The following ATG12 variants were observed in gnomAD, a reference collection of about 807,000 sequenced individuals.
ATG12 encodes the protein ubiquitin-like protein ATG12.
Under a neutral mutation model 17.6 loss-of-function variants are expected in ATG12, and 19 were observed. That is an observed-to-expected ratio of 1.08 (90% CI 0.75 to 1.58). The LOEUF (loss-of-function observed/expected upper bound fraction) is 1.58, where lower values mean the gene tolerates loss of function less well. ATG12 is among the 40% of genes most tolerant of loss of function. ATG12 has a pLI of 0.00. For synonymous variants in ATG12, 75 were observed against 62.4 expected (o/e 1.20, Z -0.95); for missense variants, 214 against 162.0 (o/e 1.32, Z -1.74).
rs780023621 is a variant in ATG12, at chr5:115,841,514, A to G, written c.39T>C (p.Thr13=). The G allele has an allele frequency of 1.2e-6, 2 of 1,612,592 alleles. No homozygotes were observed. The highest frequency in any genetic ancestry group is 1.1e-5 in the South Asian group (1 of 91,034). ...EEPQSVLQLP[T]SIAAGGEGLT... is the part of the protein sequence containing the mutation. ...GTCCTTCCCCTCCAGCAGCAATTGA[A>G]GTAGGAAGCTGCAACACAGACTGCG... is the stretch of plus-strand genomic sequence containing the variant. Residue 13 remains threonine, a synonymous_variant, in exon 1 of 4, where the codon ACT becomes ACC. Coordinates refer to ENST00000509910, the MANE Select transcript of ATG12 (RefSeq NM_004707.4).
intron 1 of ATG12, 107 bp from the exon 2 acceptor site, chr5:115,837,871 G>GT: frequency 1.1e-6 from 1 of 914,564 alleles, no homozygotes; most frequent in Non-Finnish European, 1.5e-6. Flanking sequence ...TCCATCTTAC[G>GT]TATTTATGAT....
At position 115,831,747 on chromosome 5, in the gene ATG12, G is replaced by C. The variant is rs1760878563; in HGVS notation, c.*57C>G. On this transcript the variant is annotated 3_prime_UTR_variant, in exon 4 of 4. Coordinates refer to ENST00000509910, the MANE Select transcript of ATG12 (RefSeq NM_004707.4). ...GCCACAAGCATCAAAACTTTTCAGA[G>C]CTGTCTCTTCCGTGAAAATCCATTT... 3 of 1,541,606 alleles carry C rather than the reference G, an allele frequency of 1.9e-6. No homozygotes were observed. The highest frequency in any genetic ancestry group is 1.1e-5 in the South Asian group (1 of 87,194).
At chr5:115,832,472 C>T in intron 3 of ATG12, 130 bp downstream of exon 3, 4 of 1,080,218 alleles carry the variant, frequency 3.7e-6, no homozygotes, top group Non-Finnish European at 4.9e-6. Context: ...GAATGGCATG[C>T]CATCTCTTGA....
intron 1 of ATG12, chr5:115,840,596 C>T: frequency 7.8e-7 from 1 of 1,278,892 alleles, no homozygotes; most frequent in South Asian, 1.3e-5. Flanking sequence ...CCGCGCCCGG[C>T]CAGAGACCAC....
chr5:115,835,922 T>A (rs963189579), intron 2 of ATG12, among the ~76,000 whole-genome samples: 1 of 151,806 alleles, frequency 6.6e-6, no homozygotes, highest in African/African-American at 2.4e-5. Flanking sequence ...TAATCAGGGG[T>A]TTTTGGTTTT....
chr5:115,833,802 G>GAT (rs1760984823), intron 2 of ATG12: 1 of 152,124 alleles, frequency 6.6e-6, no homozygotes, highest in East Asian at 1.9e-4. Flanking sequence ...TTGTAATACA[G>GAT]ATATAATTTG....
Position 115,830,050 on chromosome 5 carries a change from G to C in ATG12, c.*1754C>G, listed in dbSNP as rs1326288049. On this transcript the variant is annotated 3_prime_UTR_variant, in exon 4 of 4. Transcript: ENST00000509910. ...GAGAATCACTTGAACCCGGGAGGTAGAGGTTGCAATGAGCCAAGATTGTGC... is the reference window on the plus strand; with the variant it reads ...GAGAATCACTTGAACCCGGGAGGTACAGGTTGCAATGAGCCAAGATTGTGC... 8 of 148,294 alleles carry C rather than the reference G, an allele frequency of 5.4e-5. No homozygotes were observed. The highest frequency in any genetic ancestry group is 2.0e-4 in the African/African-American group (8 of 40,134). 9.2% of individuals were successfully genotyped at this position (148,294 alleles called of 1,614,324 possible).
chr5:115,837,848 T>C, intron 1 of ATG12, 84 bp from the exon 2 acceptor site: 1 of 1,133,782 alleles, frequency 8.8e-7, no homozygotes, highest in Non-Finnish European at 1.2e-6. Context: ...AAATCAGAAA[T>C]ATTTAATCTA....
intron 1 of ATG12, among the ~76,000 whole-genome samples, chr5:115,839,766 A>G (rs542295285): frequency 1.9e-4 from 29 of 152,240 alleles, no homozygotes; most frequent in Non-Finnish European, 3.7e-4. Flanking sequence ...TGAGGATACA[A>G]AACAGTTAAG....
In ATG12 at chr5:115,831,460, A is replaced by G. The variant is rs1195872091; in HGVS notation, c.*344T>C. On this transcript the variant is annotated 3_prime_UTR_variant, in exon 4 of 4. Transcript: ENST00000509910. ...ACCCTTTAGTATATTAACTTTTACC[A>G]TGAAAACAATTTCAGTCATTTTGAG... is the stretch of plus-strand genomic sequence containing the variant. 1 of 310,562 alleles carries G rather than the reference A, an allele frequency of 3.2e-6. No homozygotes were observed. Among genetic ancestry groups the G allele is most frequent in the Non-Finnish European group, 5.9e-6 (1 of 168,736 alleles). The allele number at this position is 310,562 out of a possible 1,614,324, so 19.2% of individuals were successfully genotyped here. A position where few individuals can be genotyped will look rare whatever the true frequency, so the allele number is the denominator to read the frequency against.
intron 1 of ATG12, chr5:115,840,715 A>C: frequency 8.4e-7 from 1 of 1,191,962 alleles, no homozygotes; most frequent in Non-Finnish European, 1.1e-6. Flanking sequence ...CTCTAAACAG[A>C]GTGCTTTAGA....
chr5:115,837,894 T>C (rs984335606), intron 1 of ATG12, 130 bp from the exon 2 acceptor site: 54 of 736,952 alleles, frequency 7.3e-5, no homozygotes, highest in Admixed American at 2.4e-4. Flanking sequence ...TGAAGATATG[T>C]GAGAGATGTA....
In ATG12 at chr5:115,829,433, G is replaced by A. The variant is rs763675838; in HGVS notation, c.*2371C>T. ...AATTATCCAATCTCATTTTGATTTC[G>A]GATAAACATTAATTTGCCTTATTCC... On this transcript the variant is annotated 3_prime_UTR_variant, in exon 4 of 4. Coordinates refer to ENST00000509910, the MANE Select transcript of ATG12 (RefSeq NM_004707.4). 2.0e-5 allele frequency: 3 copies of A among 152,034 alleles called. No homozygotes were observed. Among genetic ancestry groups the A allele is most frequent in the Non-Finnish European group, 4.4e-5 (3 of 68,012 alleles). The allele number at this position is 152,034 out of a possible 1,614,324, so 9.4% of individuals were successfully genotyped here.
rs752453375 is a variant in ATG12 at position 115,828,670 on chromosome 5, C to A, written c.*3134G>T. On this transcript the variant is annotated 3_prime_UTR_variant, in exon 4 of 4. Coordinates refer to ENST00000509910, the MANE Select transcript of ATG12 (RefSeq NM_004707.4). ...CTGCTGTACAAAAACTTAAACTATA[C>A]AAAATTTCCTTTGTTTTTAGCTGTC... is the stretch of plus-strand genomic sequence containing the variant. 1 of 152,100 alleles carries A rather than the reference C, an allele frequency of 6.6e-6. No homozygotes were observed. Among genetic ancestry groups the A allele is most frequent in the East Asian group, 1.9e-4 (1 of 5,200 alleles). The allele number at this position is 152,100 out of a possible 1,614,324, so 9.4% of individuals were successfully genotyped here. A position where few individuals can be genotyped will look rare whatever the true frequency, so the allele number is the denominator to read the frequency against.
Position 115,828,711 on chromosome 5 carries a change from C to G in ATG12, c.*3093G>C, listed in dbSNP as rs980165211. On this transcript the variant is annotated 3_prime_UTR_variant, in exon 4 of 4. Transcript: ENST00000509910. ...TTTAGCTGTCATACTTTGCTAATCA[C>G]AATTTCATTCACTCGATGTGTTACA... 1 of 152,176 alleles carries G rather than the reference C, an allele frequency of 6.6e-6. No homozygotes were observed. Among genetic ancestry groups the G allele is most frequent in the Non-Finnish European group, 1.5e-5 (1 of 68,010 alleles). The allele number at this position is 152,176 out of a possible 1,614,324, so 9.4% of individuals were successfully genotyped here.
chr5:115,841,013 T>C (rs1761410599), intron 1 of ATG12: 2 of 609,884 alleles, frequency 3.3e-6, no homozygotes, highest in South Asian at 1.6e-5. Flanking sequence ...TGACCACCCC[T>C]ACCACCATAA....
At chr5:115,836,800 CTT>C in intron 2 of ATG12, among the ~76,000 whole-genome samples, 1 of 152,276 alleles carries the variant, frequency 6.6e-6, no homozygotes, top group South Asian at 2.1e-4. Context: ...ATAAAAAACA[CTT>C]AATGTGCCAA....
rs4921031 is a variant in ATG12 at position 115,832,571 on chromosome 5, C to G, written c.363+31G>C. ...AAGAAAAAAAAGCAGTAATTTCTTT[C>G]TTTTTTTTTTTTTTTTTTTTTTTTT... On this transcript the variant is annotated intron_variant, in intron 3 of 3. Coordinates refer to ENST00000509910, the MANE Select transcript of ATG12 (RefSeq NM_004707.4). 24 of 800,608 alleles carry G rather than the reference C, an allele frequency of 3.0e-5. 1 individual carries two copies. Among genetic ancestry groups the G allele is most frequent in the Middle Eastern group, 5.4e-4 (1 of 1,850 alleles). The allele number at this position is 800,608 out of a possible 1,614,324, so 49.6% of individuals were successfully genotyped here.
Position 115,832,748 on chromosome 5 carries a change from T to G in ATG12, c.301-84A>C, listed in dbSNP as rs1580564673. On this transcript the variant is annotated intron_variant, in intron 2 of 3. Coordinates refer to ENST00000509910, the MANE Select transcript of ATG12 (RefSeq NM_004707.4). ...TTCTGCATTCCAATCAGCTAGCTAT[T>G]TTGTATTGTTTTCACAATTGAAGAA... The G allele has an allele frequency of 1.1e-5, 14 of 1,285,486 alleles. No individual in the cohort carries two copies. In the East Asian group the frequency reaches 3.8e-4, roughly 34 times the overall value. The allele number at this position is 1,285,486 out of a possible 1,614,324, so 79.6% of individuals were successfully genotyped here. A position where few individuals can be genotyped will look rare whatever the true frequency, so the allele number is the denominator to read the frequency against.
Sources: gnomAD v4.1 joint callset for allele counts (sites outside exome capture counted in the v4.1 genomes callset) on GRCh38, gnomAD v4.1.1 for gene constraint, MANE v1.5 for transcripts, NCBI Gene and HGNC (gene_info 2026-07-23, HGNC 2026-07-21) for gene names.